The following MALRD1 variants were observed in gnomAD, a reference collection of about 807,000 sequenced individuals.
MALRD1 encodes MAM and LDL receptor class A domain containing 1.
Under a neutral mutation model 242.1 loss-of-function variants are expected in MALRD1, and 247 were observed. The ratio of observed to expected loss-of-function variants is 1.02; its 90% CI spans 0.92 to 1.13. The LOEUF (loss-of-function observed/expected upper bound fraction) is 1.13. Ranked by LOEUF, MALRD1 falls within the 50% of genes most tolerant of loss-of-function variation. The pLI is 0.00. For synonymous variants in MALRD1, 995 were observed against 866.6 expected (o/e 1.15, Z -2.60); for missense variants, 2,989 against 2,533.1 (o/e 1.18, Z -3.86).
At chr10:19,220,867 G>C (rs1035833288) in intron 18 of MALRD1, among the ~76,000 whole-genome samples, 1 of 152,124 alleles carries the variant, frequency 6.6e-6, no homozygotes, top group Non-Finnish European at 1.5e-5. Flanking sequence ...CAGGAAACAG[G>C]TCTTACAATC....
rs138810504 is a variant in MALRD1, at chr10:19,331,886, G to C, written c.3901+304G>C. Among the ~76,000 whole-genome samples the C allele has an allele frequency of 4.6e-5, 7 of 152,212 alleles. No individual in the cohort carries two copies. In the East Asian group the frequency reaches 1.4e-3, roughly 29 times the overall value. On this transcript the variant is annotated intron_variant, in intron 24 of 39. Coordinates refer to ENST00000454679, the MANE Select transcript of MALRD1 (RefSeq NM_001142308.3). ...TTTTTCATATGAAAGTGGTTTTTTTGAGACGGAATCTCACTCTGTTGCAGG... is the reference window on the plus strand; with the variant it reads ...TTTTTCATATGAAAGTGGTTTTTTTCAGACGGAATCTCACTCTGTTGCAGG...
At position 19,382,037 on chromosome 10, in the gene MALRD1, T is replaced by C. The variant is rs181938111; in HGVS notation, c.4442-5491T>C. Among the ~76,000 whole-genome samples the C allele has an allele frequency of 5.5e-4, 84 of 152,228 alleles. No homozygotes were observed. The East Asian group carries it at 6.4e-3, about 12-fold the overall frequency. ...CAGGTGTGTATACTTGAGAAATAGC[T>C]TATAGATAATTGAACTTCAAAACGT... On this transcript the variant is annotated intron_variant, in intron 26 of 39. Coordinates refer to ENST00000454679, the MANE Select transcript of MALRD1 (RefSeq NM_001142308.3).
rs76601048 is a variant in MALRD1 at position 19,668,993 on chromosome 10, C to T, written c.6138-23289C>T. Reference sequence around the variant, plus strand: ...AATTAGGAAAGATTTATTCCAAGGCCCTCCACAGGGAAATTTCAGGGAAAC... The same window carrying T: ...AATTAGGAAAGATTTATTCCAAGGCTCTCCACAGGGAAATTTCAGGGAAAC... On this transcript the variant is annotated intron_variant, in intron 36 of 39. Transcript: ENST00000454679. Among the ~76,000 whole-genome samples, 836 of 152,260 alleles carry T rather than the reference C, an allele frequency of 5.5e-3. 72 individuals carry two copies. In the East Asian group the frequency reaches 0.15, roughly 27 times the overall value.
chr10:19,574,952 C>G (rs1450902860), intron 33 of MALRD1, among the ~76,000 whole-genome samples: 1 of 152,164 alleles, frequency 6.6e-6, no homozygotes, highest in Non-Finnish European at 1.5e-5. Flanking sequence ...GTTTGCCATT[C>G]ATTCAGTCAA....
chr10:19,450,376 G>A lies in MALRD1; in HGVS notation c.4915G>A (p.Asp1639Asn). ...QNPGNHWQKA[D>N]ILLGKLRNFE... ...CCCTGGTAATCATTGGCAAAAGGCT[G>A]ACATCCTGCTAGGAAAGTTAAGGAA... Residue 1639 changes from aspartate (D) to asparagine (N), a missense_variant, in exon 29 of 40, where the codon GAC (aspartate) becomes AAC (asparagine). Transcript: ENST00000454679. 6.5e-7 allele frequency: 1 copy of A among 1,550,104 alleles called. No homozygotes were observed. Among genetic ancestry groups the A allele is most frequent in the Non-Finnish European group, 8.7e-7 (1 of 1,146,942 alleles).
At chr10:19,417,937 C>T (rs545999059) in intron 28 of MALRD1, among the ~76,000 whole-genome samples, 100 of 152,066 alleles carry the variant, frequency 6.6e-4, no homozygotes, top group African/African-American at 2.2e-3. Flanking sequence ...TTAATGAGTG[C>T]CTACGGTGCA....
chr10:19,314,063 G>A (rs1475865234), intron 21 of MALRD1, among the ~76,000 whole-genome samples: 2 of 151,510 alleles, frequency 1.3e-5, no homozygotes, highest in Non-Finnish European at 3.0e-5. Context: ...AGAATCCTCT[G>A]TCAGTTTTAT....
intron 28 of MALRD1, among the ~76,000 whole-genome samples, chr10:19,426,749 G>A (rs893447809): frequency 6.6e-6 from 1 of 152,186 alleles, no homozygotes; most frequent in African/African-American, 2.4e-5. Flanking sequence ...GTTGCAGTGA[G>A]CCGAGATCGT....
upstream of MALRD1, among the ~76,000 whole-genome samples, chr10:19,047,355 G>GGT (rs3042212): frequency 2.8e-3 from 421 of 148,838 alleles, 3 homozygotes; most frequent in East Asian, 0.013. Context: ...GTGTTAATTA[G>GGT]GTGTGTGTGT....
chr10:19,126,692 G>A (rs1417014935), intron 7 of MALRD1, among the ~76,000 whole-genome samples: 1 of 151,634 alleles, frequency 6.6e-6, no homozygotes, highest in South Asian at 2.1e-4. Context: ...ATATTTTACT[G>A]TGCAGATTAT....
intron 29 of MALRD1, among the ~76,000 whole-genome samples, chr10:19,484,481 A>G (rs568756845): frequency 7.9e-5 from 12 of 152,330 alleles, no homozygotes; most frequent in African/African-American, 2.4e-4. Flanking sequence ...CATCTTAAAT[A>G]AGGAGTATTA....
At position 19,049,063 on chromosome 10, in the gene MALRD1, A is replaced by T; in HGVS notation, c.125A>T (p.Asn42Ile). ...GGGACAGAAAGCTTTCAGTGTGACA[A>T]TGGAGTCTCCTTGCCTCCTGACAGC... is the stretch of plus-strand genomic sequence containing the variant. The part of the protein sequence containing the change: ...QQGTESFQCD[N>I]GVSLPPDSIC... Residue 42 changes from asparagine to isoleucine, a missense_variant, in exon 1 of 40, where the codon AAT becomes ATT. Physicochemically the swap from Asn to Ile is moderately radical, Grantham distance 149. Coordinates refer to ENST00000454679, the MANE Select transcript of MALRD1 (RefSeq NM_001142308.3). 3.2e-6 allele frequency: 4 copies of T among 1,233,902 alleles called. No individual in the cohort carries two copies. Among genetic ancestry groups the T allele is most frequent in the Non-Finnish European group, 4.0e-6 (4 of 988,140 alleles). The allele number at this position is 1,233,902 out of a possible 1,614,324, so 76.4% of individuals were successfully genotyped here.
chr10:19,418,995 G>T (rs1479846932), intron 28 of MALRD1, among the ~76,000 whole-genome samples: 1 of 152,108 alleles, frequency 6.6e-6, no homozygotes, highest in African/African-American at 2.4e-5. Context: ...GCACATACGT[G>T]ATCATTTCAC....
At chr10:19,485,785 A>C (rs1837212062) in intron 29 of MALRD1, among the ~76,000 whole-genome samples, 1 of 152,174 alleles carries the variant, frequency 6.6e-6, no homozygotes, top group Admixed American at 6.5e-5. Flanking sequence ...ATGGCATGTT[A>C]GGAGTCTGTC....
chr10:19,238,184 G>A (rs1465272289), intron 18 of MALRD1, among the ~76,000 whole-genome samples: 1 of 34,630 alleles, frequency 2.9e-5, no homozygotes, highest in Non-Finnish European at 5.0e-5. Flanking sequence ...TATATAATAT[G>A]TAATATACAT....
intron 28 of MALRD1, among the ~76,000 whole-genome samples, chr10:19,414,759 C>G (rs940284343): frequency 6.6e-6 from 1 of 152,030 alleles, no homozygotes; most frequent in Non-Finnish European, 1.5e-5. Flanking sequence ...ACTGATTCCC[C>G]CAAGAACTCT....
chr10:19,317,307 G>A (rs1346427900), intron 21 of MALRD1, among the ~76,000 whole-genome samples: 1 of 151,564 alleles, frequency 6.6e-6, no homozygotes, highest in African/African-American at 2.4e-5. Flanking sequence ...ATAGTTCTAG[G>A]GTCTCTTTTC....
chr10:19,595,095 T>C, intron 33 of MALRD1, 99 bp from the exon 34 acceptor site: 2 of 1,217,566 alleles, frequency 1.6e-6, no homozygotes, highest in Non-Finnish European at 2.2e-6. Flanking sequence ...ATTAATAAAA[T>C]TCATTTTATA....
chr10:19,484,939 C>T (rs987118430), intron 29 of MALRD1, among the ~76,000 whole-genome samples: 5 of 151,994 alleles, frequency 3.3e-5, no homozygotes, highest in African/African-American at 9.7e-5. Context: ...CTCAGCAACC[C>T]ATGAGTGGAT....
Sources: gnomAD v4.1 joint callset for allele counts (sites outside exome capture counted in the v4.1 genomes callset) on GRCh38, gnomAD v4.1.1 for gene constraint, MANE v1.5 for transcripts, NCBI Gene and HGNC (gene_info 2026-07-23, HGNC 2026-07-21) for gene names.